The following FSTL4 variants were observed in gnomAD, a reference collection of about 807,000 sequenced individuals.
FSTL4 encodes follistatin like 4.
A neutral mutation model predicts 78.2 loss-of-function variants in FSTL4; 28 were observed. The ratio of observed to expected loss-of-function variants is 0.36; its 90% CI spans 0.27 to 0.49. The LOEUF (loss-of-function observed/expected upper bound fraction) is 0.49, where lower values mean the gene tolerates loss of function less well. Ranked by LOEUF, FSTL4 falls within the 20% of genes least tolerant of loss-of-function variation. The probability of loss-of-function intolerance (pLI) is 0.98; values close to 1 mark genes in which losing one functional copy is unlikely to be tolerated. For synonymous variants in FSTL4, 422 were observed against 440.5 expected (o/e 0.96, Z 0.53); for missense variants, 922 against 1,084.9 (o/e 0.85, Z 2.11).
At chr5:133,725,489 A>T in the FSTL4 span, among the ~76,000 whole-genome samples, 1 of 152,252 alleles carries the variant, frequency 6.6e-6, no homozygotes, top group Non-Finnish European at 1.5e-5. Context: ...TTTCAGATAC[A>T]CATGCCACGC....
intron 4 of FSTL4, among the ~76,000 whole-genome samples, chr5:133,399,407 C>T (rs1756159729): frequency 6.6e-6 from 1 of 152,202 alleles, no homozygotes; most frequent in Admixed American, 6.5e-5. Context: ...GTGTCCAAGA[C>T]TATTGTCATC....
At chr5:133,629,835 G>T in the FSTL4 span, among the ~76,000 whole-genome samples, 9,243 of 152,026 alleles carry the variant, frequency 0.061, 516 homozygotes, top group African/African-American at 0.17. Context: ...TGCAAGGCTG[G>T]TTCAATATAT....
rs1751150985 is a variant in FSTL4, at chr5:133,222,015, GT to G, written c.1340-1150del. 3.5e-5 allele frequency among the ~76,000 whole-genome samples: 5 copies of G among 141,976 alleles called. No homozygotes were observed. In the Admixed American group the frequency reaches 3.8e-4, roughly 11 times the overall value. 93.1% of individuals were successfully genotyped at this position (141,976 alleles called of 152,430 possible). ...AGAAAACAACAAAACAGGAATCACTGTTTTACTTTTTTCCAACAACTCTGCA... is the reference window on the plus strand; with the variant it reads ...AGAAAACAACAAAACAGGAATCACTGTTTACTTTTTTCCAACAACTCTGCA... On this transcript the variant is annotated intron_variant, in intron 11 of 15. Transcript: ENST00000265342.
chr5:133,299,992 G>T (rs1001959581), intron 6 of FSTL4, among the ~76,000 whole-genome samples: 7 of 152,148 alleles, frequency 4.6e-5, no homozygotes, highest in African/African-American at 1.7e-4. Context: ...CTCACAGCTG[G>T]CCCTTCTGCC....
intron 3 of FSTL4, among the ~76,000 whole-genome samples, chr5:133,471,396 C>T (rs1757824313): frequency 6.6e-6 from 1 of 152,128 alleles, no homozygotes; most frequent in South Asian, 2.1e-4. Context: ...ATGTTGAAAT[C>T]TTAACCCCCA....
At chr5:133,437,162 G>A (rs1375228683) in intron 3 of FSTL4, among the ~76,000 whole-genome samples, 1 of 152,192 alleles carries the variant, frequency 6.6e-6, no homozygotes, top group African/African-American at 2.4e-5. Flanking sequence ...TGGCAGGAAG[G>A]TTAGTGATGG....
the FSTL4 span, among the ~76,000 whole-genome samples, chr5:133,694,135 C>T: frequency 1.3e-5 from 2 of 152,196 alleles, no homozygotes; most frequent in Non-Finnish European, 2.9e-5. Context: ...ATATTCCCTC[C>T]CATCCCCAGC....
intron 11 of FSTL4, among the ~76,000 whole-genome samples, chr5:133,222,775 G>GC (rs1321583275): frequency 6.6e-6 from 1 of 152,156 alleles, no homozygotes; most frequent in Non-Finnish European, 1.5e-5. Context: ...TGCTAAGAGG[G>GC]CCCGAAGGAG....
At chr5:133,822,086 T>C in the FSTL4 span, among the ~76,000 whole-genome samples, 1 of 152,152 alleles carries the variant, frequency 6.6e-6, no homozygotes, top group Non-Finnish European at 1.5e-5. Context: ...AGAGAAAAGC[T>C]GATATGACAA....
the FSTL4 span, among the ~76,000 whole-genome samples, chr5:133,642,739 T>C: frequency 3.9e-5 from 6 of 152,240 alleles, no homozygotes; most frequent in Non-Finnish European, 8.8e-5. Context: ...AAATATTTTA[T>C]TGCATTATGC....
intron 4 of FSTL4, 74 bp from the exon 5 acceptor site, chr5:133,316,726 A>G (rs937056199): frequency 3.1e-6 from 4 of 1,278,330 alleles, no homozygotes; most frequent in African/African-American, 1.5e-5. Flanking sequence ...CCGCTGGTCC[A>G]TTCATCTCAC....
chr5:133,574,520 C>T (rs1760232713), intron 2 of FSTL4, among the ~76,000 whole-genome samples: 1 of 152,142 alleles, frequency 6.6e-6, no homozygotes, highest in Non-Finnish European at 1.5e-5. Flanking sequence ...TCTGTTTAAC[C>T]AATTTCCTGT....
intron 4 of FSTL4, among the ~76,000 whole-genome samples, chr5:133,394,735 G>C (rs566427740): frequency 6.6e-6 from 1 of 152,368 alleles, no homozygotes; most frequent in Admixed American, 6.5e-5. Context: ...TGAGGAGTGC[G>C]GGTGCACTGC....
chr5:133,311,448 A>C (rs964745373), intron 6 of FSTL4, among the ~76,000 whole-genome samples: 15 of 152,166 alleles, frequency 9.9e-5, no homozygotes, highest in African/African-American at 3.4e-4. Flanking sequence ...AGGCCCCTGC[A>C]ACCACGTCAA....
At chr5:133,476,409 G>T (rs1757926182) in intron 3 of FSTL4, among the ~76,000 whole-genome samples, 1 of 152,186 alleles carries the variant, frequency 6.6e-6, no homozygotes, top group South Asian at 2.1e-4. Flanking sequence ...ACTGGTCAAG[G>T]CCCTCAGTTT....
chr5:133,694,260 T>A, the FSTL4 span, among the ~76,000 whole-genome samples: 1 of 152,190 alleles, frequency 6.6e-6, no homozygotes, highest in African/African-American at 2.4e-5. Context: ...TGTGCTGTCC[T>A]CCCAGGCCCA....
intron 6 of FSTL4, among the ~76,000 whole-genome samples, chr5:133,279,951 T>C (rs1752973673): frequency 6.6e-6 from 1 of 152,272 alleles, no homozygotes; most frequent in African/African-American, 2.4e-5. Flanking sequence ...AGGCAGACAC[T>C]GGAGTTACAT....
At chr5:133,610,675 AC>A (rs1292638871) in intron 1 of FSTL4, among the ~76,000 whole-genome samples, 1 of 151,944 alleles carries the variant, frequency 6.6e-6, no homozygotes, top group Non-Finnish European at 1.5e-5. Flanking sequence ...TCCCAGGTGG[AC>A]CCCCCGCCAA....
intron 2 of FSTL4, among the ~76,000 whole-genome samples, chr5:133,596,842 C>G (rs1760746484): frequency 6.6e-6 from 1 of 152,218 alleles, no homozygotes; most frequent in Non-Finnish European, 1.5e-5. Context: ...TCACCTCTGC[C>G]AAGAGCACAC....
Sources: allele counts gnomAD v4.1 joint callset (sites outside exome capture counted in the v4.1 genomes callset), GRCh38; gene constraint gnomAD v4.1.1; transcripts MANE v1.5; gene names NCBI Gene and HGNC (gene_info 2026-07-23, HGNC 2026-07-21).